Variants in DPYSL3 observed in about 807,000 individuals in gnomAD.
DPYSL3 encodes the protein dihydropyrimidinase like 3.
DPYSL3 carries 16 observed loss-of-function variants against 66.1 expected under a neutral mutation model. The ratio of observed to expected loss-of-function variants is 0.24; its 90% confidence interval spans 0.16 to 0.37. The LOEUF (loss-of-function observed/expected upper bound fraction) is 0.37. DPYSL3 is among the 10% of genes least tolerant of loss of function. The pLI, the probability that DPYSL3 is intolerant of heterozygous loss-of-function variation, is 1.00. For synonymous variants in DPYSL3, 338 were observed against 345.1 expected, an observed-to-expected ratio of 0.98 and a Z score of 0.23; for missense variants, 738 against 916.2, an observed-to-expected ratio of 0.81 and a Z score of 2.51.
chr5:147,440,151 A>G (rs1482670088), intron 1 of DPYSL3, among the ~76,000 whole-genome samples: 3 of 152,038 alleles, frequency 2.0e-5, no homozygotes, highest in Non-Finnish European at 4.4e-5. Flanking sequence ...AAATACAAAA[A>G]AATTAGCCAG....
rs75913497 is a variant in DPYSL3, at chr5:147,396,757, T to C, written c.1803+909A>G. ...GGTCAATATTGGGGAAGTCTCCTTC[T>C]CTATTAGGCCCAAACTGGAGTGTGG... On this transcript the variant is annotated intron_variant, in intron 12 of 13. Coordinates refer to ENST00000343218, the MANE Select transcript of DPYSL3 (RefSeq NM_001197294.2). Among the ~76,000 whole-genome samples, 718 of 152,126 alleles carry C rather than the reference T, an allele frequency of 4.7e-3. 3 individuals carry two copies. The highest frequency in any genetic ancestry group is 0.017 in the African/African-American group (685 of 41,502).
At chr5:147,478,367 A>G (rs999104227) in intron 1 of DPYSL3, among the ~76,000 whole-genome samples, 3 of 152,230 alleles carry the variant, frequency 2.0e-5, no homozygotes, top group Non-Finnish European at 4.4e-5. Flanking sequence ...GGGTTGCCTC[A>G]GTAAGAAAGA....
intron 1 of DPYSL3, among the ~76,000 whole-genome samples, chr5:147,450,605 C>T (rs1471698293): frequency 6.6e-6 from 1 of 152,136 alleles, no homozygotes; most frequent in Admixed American, 6.5e-5. Flanking sequence ...ACACAGAAAT[C>T]TCCCCCTCAT....
At chr5:147,463,272 C>T (rs1297601096) in intron 1 of DPYSL3, among the ~76,000 whole-genome samples, 1 of 152,082 alleles carries the variant, frequency 6.6e-6, no homozygotes, top group Non-Finnish European at 1.5e-5. Flanking sequence ...TAGACCATGG[C>T]CACATGACAG....
chr5:147,452,096 G>A (rs1199695896), intron 1 of DPYSL3, among the ~76,000 whole-genome samples: 1 of 152,186 alleles, frequency 6.6e-6, no homozygotes, highest in African/African-American at 2.4e-5. Context: ...TGGTAGGGGT[G>A]GGGTGCATTT....
Position 147,404,121 on chromosome 5 carries a change from T to A in DPYSL3, c.1153+1489A>T, listed in dbSNP as rs3805537. On this transcript the variant is annotated intron_variant, in intron 8 of 13. Coordinates refer to ENST00000343218, the MANE Select transcript of DPYSL3 (RefSeq NM_001197294.2). ...GGAGTTCCTACACACTTCTTCTTTT[T>A]CTTTTCTTTGCTTTTCTCCAAGAAT... Among the ~76,000 whole-genome samples, 64 of 152,294 alleles carry A rather than the reference T, an allele frequency of 4.2e-4. No homozygotes were observed. In the East Asian group the frequency reaches 0.012, roughly 29 times the overall value.
intron 2 of DPYSL3, among the ~76,000 whole-genome samples, chr5:147,422,027 A>C (rs1752090773): frequency 6.6e-6 from 1 of 152,234 alleles, no homozygotes; most frequent in African/African-American, 2.4e-5. Context: ...ATTAAACTAA[A>C]GAGCTTCTGC....
At chr5:147,422,824 G>T (rs905970975) in intron 2 of DPYSL3, among the ~76,000 whole-genome samples, 1 of 151,916 alleles carries the variant, frequency 6.6e-6, no homozygotes, top group East Asian at 1.9e-4. Context: ...TGGGCACGGG[G>T]AGGCGAACAT....
At chr5:147,489,284 C>T (rs144905548) in intron 1 of DPYSL3, among the ~76,000 whole-genome samples, 1 of 152,114 alleles carries the variant, frequency 6.6e-6, no homozygotes, top group Non-Finnish European at 1.5e-5. Flanking sequence ...ATTTTGGACT[C>T]CTCTTAGTAT....
At position 147,393,085 on chromosome 5, in the gene DPYSL3, T is replaced by C. The variant is rs965923954; in HGVS notation, c.*950A>G. 2.6e-5 allele frequency: 4 copies of C among 152,202 alleles called. No homozygotes were observed. Among genetic ancestry groups the C allele is most frequent in the Non-Finnish European group, 5.9e-5 (4 of 68,050 alleles). 9.4% of individuals were successfully genotyped at this position (152,202 alleles called of 1,614,324 possible). On this transcript the variant is annotated 3_prime_UTR_variant, in exon 14 of 14. Coordinates refer to ENST00000343218, the MANE Select transcript of DPYSL3 (RefSeq NM_001197294.2). ...ATCCTGACTTGGGATGCCAGAAGCA[T>C]GCCACTCTTCTCGGTTTGCAAAGAC...
At chr5:147,494,055 T>C (rs777543179) in intron 1 of DPYSL3, among the ~76,000 whole-genome samples, 9 of 151,938 alleles carry the variant, frequency 5.9e-5, no homozygotes, top group Non-Finnish European at 1.0e-4. Flanking sequence ...TATCCTGGCG[T>C]GGTGGCAGGC....
rs1404546379 is a variant in DPYSL3, at chr5:147,415,887, A to G, written c.656-14T>C. 2 of 1,611,746 alleles carry G rather than the reference A, an allele frequency of 1.2e-6. No homozygotes were observed. Among genetic ancestry groups the G allele is most frequent in the Non-Finnish European group, 1.7e-6 (2 of 1,178,980 alleles). ...CCACATGGTCAACTGAATGACAGAG[A>G]CCCCAGATGAGTCACTCTCAGACAC... On this transcript the variant is annotated splice_polypyrimidine_tract_variant and intron_variant, in intron 3 of 13. Transcript: ENST00000343218.
chr5:147,463,847 C>A (rs1752970268), intron 1 of DPYSL3, among the ~76,000 whole-genome samples: 1 of 152,120 alleles, frequency 6.6e-6, no homozygotes, highest in Admixed American at 6.5e-5. Context: ...ATACACTGGG[C>A]CCCTTTCATA....
intron 8 of DPYSL3, among the ~76,000 whole-genome samples, chr5:147,402,472 C>G (rs371787419): frequency 6.8e-6 from 1 of 146,436 alleles, no homozygotes; most frequent in Non-Finnish European, 1.5e-5. Context: ...CTCAGCCTCC[C>G]GAGTAGCTGG....
intron 1 of DPYSL3, among the ~76,000 whole-genome samples, chr5:147,447,378 G>C (rs1234743430): frequency 6.6e-6 from 1 of 152,128 alleles, no homozygotes; most frequent in Non-Finnish European, 1.5e-5. Context: ...CCTGTGTTTC[G>C]TATATTGAAA....
intron 13 of DPYSL3, 98 bp downstream of exon 13, chr5:147,395,461 C>T: frequency 6.9e-7 from 1 of 1,456,568 alleles, no homozygotes; most frequent in South Asian, 1.2e-5. Context: ...GGCTGGAAAA[C>T]TCCTTCAGGT....
intron 8 of DPYSL3, among the ~76,000 whole-genome samples, chr5:147,403,652 G>A (rs1438071910): frequency 1.3e-5 from 2 of 152,252 alleles, no homozygotes; most frequent in Non-Finnish European, 2.9e-5. Context: ...TATAGTTAAA[G>A]AGCCCTGATG....
rs3792842 is a variant in DPYSL3, at chr5:147,406,456, T to G, written c.1033-726A>C. On this transcript the variant is annotated intron_variant, in intron 7 of 13. Transcript: ENST00000343218. The stretch of plus-strand genomic sequence containing the variant: ...ATAAGCTAGGTGACCTCGGGTACAT[T>G]GCACAACCTCCCAAAGCCTCAGTTT... Among the ~76,000 whole-genome samples, 55 of 152,290 alleles carry G rather than the reference T, an allele frequency of 3.6e-4. No individual in the cohort carries two copies. The East Asian group carries it at 4.8e-3, about 13-fold the overall frequency.
chr5:147,483,663 G>C (rs1753285503), intron 1 of DPYSL3, among the ~76,000 whole-genome samples: 1 of 152,186 alleles, frequency 6.6e-6, no homozygotes, highest in Non-Finnish European at 1.5e-5. Flanking sequence ...TCTCAGGTGA[G>C]TGGGAAAGGG....
Sources: gnomAD v4.1 joint callset for allele counts (sites outside exome capture counted in the v4.1 genomes callset) on GRCh38, gnomAD v4.1.1 for gene constraint, MANE v1.5 for transcripts, NCBI Gene and HGNC (gene_info 2026-07-23, HGNC 2026-07-21) for gene names.